The following EXT2 variants were observed in gnomAD, a reference collection of about 807,000 sequenced individuals.
EXT2 encodes exostosin glycosyltransferase 2, also known as exostosin-2.
Under a neutral mutation model 81.6 loss-of-function variants are expected in EXT2, and 53 were observed. The observed-to-expected ratio is 0.65, with a 90% CI of 0.52 to 0.82. The LOEUF (loss-of-function observed/expected upper bound fraction) is 0.82. EXT2 is among the 40% of genes least tolerant of loss of function. EXT2 has a pLI of 0.00. For missense variants in EXT2, 774 were observed against 910.2 expected, an observed-to-expected ratio of 0.85 and a Z score of 1.93; for synonymous variants, 320 against 340.0, an observed-to-expected ratio of 0.94 and a Z score of 0.65.
intron 7 of EXT2, among the ~76,000 whole-genome samples, chr11:44,160,124 T>G (rs1463109948): frequency 6.6e-6 from 1 of 152,242 alleles, no homozygotes; most frequent in Non-Finnish European, 1.5e-5. Flanking sequence ...ATTCTGGTGG[T>G]AAAACTCTGG....
rs973737685 is a variant in EXT2, at chr11:44,250,048, C to A, written c.*5761C>A. Among the ~76,000 whole-genome samples the A allele has an allele frequency of 6.6e-6, 1 of 152,146 alleles. No individual in the cohort carries two copies. The highest frequency in any genetic ancestry group is 1.5e-5 in the Non-Finnish European group (1 of 68,032). On this transcript the variant is annotated 3_prime_UTR_variant, in exon 14 of 14. Transcript: ENST00000533608. ...TTGTGCCACTACACTCCAGCCTGGG[C>A]GACAGAGCAAGACTCCGTCTCAAAA...
intron 7 of EXT2, among the ~76,000 whole-genome samples, chr11:44,153,900 T>C (rs887695227): frequency 3.3e-5 from 5 of 152,066 alleles, no homozygotes; most frequent in African/African-American, 4.8e-5. Context: ...TACACAATGT[T>C]GGATTTGAAT....
chr11:44,232,637 C>T, intron 11 of EXT2, 141 bp downstream of exon 11: 4 of 1,108,428 alleles, frequency 3.6e-6, no homozygotes, highest in East Asian at 2.6e-5. Context: ...TAAAGCTATC[C>T]TTTTTCTAAT....
intron 7 of EXT2, among the ~76,000 whole-genome samples, chr11:44,156,984 G>A (rs1172601841): frequency 3.3e-5 from 5 of 152,198 alleles, no homozygotes; most frequent in South Asian, 2.1e-4. Flanking sequence ...ATGGACTCAC[G>A]AAGGTACAGC....
At chr11:44,118,508 A>T (rs1350629533) in intron 4 of EXT2, among the ~76,000 whole-genome samples, 2 of 152,162 alleles carry the variant, frequency 1.3e-5, no homozygotes, top group Admixed American at 1.3e-4. Context: ...GCTTTATATG[A>T]TTTACATTTT....
chr11:44,221,175 C>T (rs1955777792), intron 10 of EXT2, among the ~76,000 whole-genome samples: 3 of 152,152 alleles, frequency 2.0e-5, no homozygotes, highest in Admixed American at 2.0e-4. Flanking sequence ...CCTCGAAGAC[C>T]CCCATTCCAA....
chr11:44,181,055 C>T (rs993309349), intron 8 of EXT2, among the ~76,000 whole-genome samples: 19 of 151,718 alleles, frequency 1.3e-4, no homozygotes, highest in Middle Eastern at 3.4e-3. Context: ...GAGCCGAGTT[C>T]GCACCATTGC....
At chr11:44,238,048 C>T (rs1252054275) in intron 13 of EXT2, among the ~76,000 whole-genome samples, 2 of 151,832 alleles carry the variant, frequency 1.3e-5, no homozygotes, top group African/African-American at 4.8e-5. Flanking sequence ...GAGATCGTGC[C>T]ATTGCACTCC....
chr11:44,180,953 T>C (rs1409233677), intron 8 of EXT2, among the ~76,000 whole-genome samples: 1 of 152,012 alleles, frequency 6.6e-6, no homozygotes, highest in Non-Finnish European at 1.5e-5. Context: ...ATACAAAAAT[T>C]AGCTGGGCAT....
chr11:44,187,829 C>T (rs1955337795), intron 8 of EXT2, among the ~76,000 whole-genome samples: 1 of 152,104 alleles, frequency 6.6e-6, no homozygotes, highest in Non-Finnish European at 1.5e-5. Context: ...CACTGATCAC[C>T]TCTTTTTTTA....
rs1248919567 is a variant in EXT2 at position 44,171,616 on chromosome 11, G to A, written c.1179G>A (p.Arg393=). 2 of 1,614,160 alleles carry A rather than the reference G, an allele frequency of 1.2e-6. No individual in the cohort carries two copies. The highest frequency in any genetic ancestry group is 1.7e-6 in the Non-Finnish European group (2 of 1,180,020). The change falls in exon 8 of 14, where the codon CGG becomes CGA. Residue 393 remains arginine, a synonymous_variant. Coordinates refer to ENST00000533608, the MANE Select transcript of EXT2 (RefSeq NM_207122.2). ...RQIEEMQRQA[R]WFWEAYFQSI... is the part of the protein sequence containing the mutation. The stretch of plus-strand genomic sequence containing the variant: ...CAGCATTATTTTCTTTATAGGCCCG[G>A]TGGTTCTGGGAAGCGTACTTCCAGT...
At chr11:44,219,504 A>G (rs1407799229) in intron 10 of EXT2, among the ~76,000 whole-genome samples, 1 of 152,220 alleles carries the variant, frequency 6.6e-6, no homozygotes, top group Non-Finnish European at 1.5e-5. Context: ...AAAAAAATAA[A>G]TAATTAAAAA....
chr11:44,210,963 T>A (rs1955640685), intron 10 of EXT2, among the ~76,000 whole-genome samples: 1 of 152,150 alleles, frequency 6.6e-6, no homozygotes, highest in Non-Finnish European at 1.5e-5. Context: ...AAGCTAAAAC[T>A]GAAATGGAAA....
chr11:44,175,391 C>CTT (rs1183606509), intron 8 of EXT2, among the ~76,000 whole-genome samples: 3 of 144,000 alleles, frequency 2.1e-5, no homozygotes, highest in East Asian at 2.0e-4. Flanking sequence ...TTTTCTTTTT[C>CTT]TTTTTTTTTT....
intron 10 of EXT2, among the ~76,000 whole-genome samples, chr11:44,223,102 T>C (rs1955799682): frequency 6.6e-6 from 1 of 152,168 alleles, no homozygotes; most frequent in African/African-American, 2.4e-5. Flanking sequence ...TAAGAATGGC[T>C]AAAGTTAACC....
intron 7 of EXT2, among the ~76,000 whole-genome samples, chr11:44,133,728 T>C (rs576611478): frequency 6.6e-6 from 1 of 152,258 alleles, no homozygotes; most frequent in Non-Finnish European, 1.5e-5. Context: ...TTACTCTCCC[T>C]AGATGCAATA....
chr11:44,129,648 G>A (rs1954460853), intron 6 of EXT2, among the ~76,000 whole-genome samples: 1 of 152,244 alleles, frequency 6.6e-6, no homozygotes, highest in East Asian at 1.9e-4. Flanking sequence ...ATAGCTAAAG[G>A]AGAAAAGTAT....
At chr11:44,112,965 C>A (rs1954167085) in intron 3 of EXT2, among the ~76,000 whole-genome samples, 1 of 152,182 alleles carries the variant, frequency 6.6e-6, no homozygotes, top group South Asian at 2.1e-4. Context: ...GGCCATGGGG[C>A]CCATAGAGTC....
chr11:44,199,768 TA>T (rs1459996140), intron 9 of EXT2, among the ~76,000 whole-genome samples: 2 of 152,188 alleles, frequency 1.3e-5, no homozygotes, highest in African/African-American at 2.4e-5. Flanking sequence ...CTGGCACAAC[TA>T]AAGGCAGTAG....
Sources: allele counts gnomAD v4.1 joint callset (sites outside exome capture counted in the v4.1 genomes callset), GRCh38; gene constraint gnomAD v4.1.1; transcripts MANE v1.5; gene names NCBI Gene and HGNC (gene_info 2026-07-23, HGNC 2026-07-21).